Variants in CTIF observed in about 807,000 individuals in gnomAD.
CTIF encodes CBP80/20-dependent translation initiation factor.
CTIF carries 21 observed loss-of-function variants against 66.0 expected under a neutral mutation model. That is an observed-to-expected ratio of 0.32 (90% confidence interval 0.23 to 0.46). The LOEUF is 0.46. Among genes scored for constraint, CTIF ranks in the 20% least tolerant of loss-of-function variants. The pLI is 1.00. For synonymous variants in CTIF, 345 were observed against 326.4 expected, an observed-to-expected ratio of 1.06 and a Z score of -0.62; for missense variants, 739 against 812.7, an observed-to-expected ratio of 0.91 and a Z score of 1.10.
At chr18:48,718,806 G>A (rs1022857590) in intron 7 of CTIF, among the ~76,000 whole-genome samples, 3 of 152,112 alleles carry the variant, frequency 2.0e-5, no homozygotes, top group Non-Finnish European at 4.4e-5. Context: ...CTCAGACATG[G>A]TCAGGGGCCA....
chr18:48,768,414 C>G (rs1425406700), intron 9 of CTIF, among the ~76,000 whole-genome samples: 1 of 152,230 alleles, frequency 6.6e-6, no homozygotes, highest in East Asian at 1.9e-4. Context: ...GCATGAGGGG[C>G]TTTGAAACTC....
At chr18:48,549,513 C>G (rs2088833897) in intron 1 of CTIF, among the ~76,000 whole-genome samples, 1 of 152,202 alleles carries the variant, frequency 6.6e-6, no homozygotes, top group Admixed American at 6.5e-5. Context: ...TTCAAGGACT[C>G]TGTCTAACCT....
chr18:48,800,598 A>AC (rs1280741908), intron 9 of CTIF, among the ~76,000 whole-genome samples: 6 of 152,102 alleles, frequency 3.9e-5, no homozygotes, highest in African/African-American at 1.4e-4. Context: ...GGCATGGATA[A>AC]CCCCCCACAC....
chr18:48,856,716 G>C (rs1278896326), intron 10 of CTIF, among the ~76,000 whole-genome samples: 1 of 152,250 alleles, frequency 6.6e-6, no homozygotes, highest in African/African-American at 2.4e-5. Context: ...ACTCCATAGA[G>C]ACATAGAATC....
At chr18:48,783,101 T>C (rs552317363) in intron 9 of CTIF, among the ~76,000 whole-genome samples, 2 of 152,298 alleles carry the variant, frequency 1.3e-5, no homozygotes, top group South Asian at 4.1e-4. Context: ...CCTCCCTTCC[T>C]ATCTGGGAAA....
intron 10 of CTIF, among the ~76,000 whole-genome samples, chr18:48,851,718 G>A (rs559833442): frequency 6.6e-6 from 1 of 152,210 alleles, no homozygotes; most frequent in African/African-American, 2.4e-5. Flanking sequence ...ACATCCGCCT[G>A]CGGCTGCTTC....
chr18:48,771,333 A>C (rs115107821), intron 9 of CTIF, among the ~76,000 whole-genome samples: 1 of 152,328 alleles, frequency 6.6e-6, no homozygotes, highest in African/African-American at 2.4e-5. Flanking sequence ...CAAGGTATTC[A>C]TCAGGCATCA....
intron 7 of CTIF, among the ~76,000 whole-genome samples, chr18:48,733,889 G>A (rs576011844): frequency 2.0e-5 from 3 of 152,292 alleles, no homozygotes; most frequent in East Asian, 3.9e-4. Context: ...AGTCTCTCAG[G>A]GCTGTCTCAG....
intron 9 of CTIF, among the ~76,000 whole-genome samples, chr18:48,781,417 G>T (rs1456189603): frequency 6.6e-6 from 1 of 152,236 alleles, no homozygotes; most frequent in Non-Finnish European, 1.5e-5. Flanking sequence ...GCCAGTGGCT[G>T]TGGGTGGTGA....
At chr18:48,615,688 AGCTCCTCATACTCCGGGTT>A (rs1307751218) in intron 1 of CTIF, among the ~76,000 whole-genome samples, 1 of 152,234 alleles carries the variant, frequency 6.6e-6, no homozygotes, top group African/African-American at 2.4e-5. Flanking sequence ...ATGGGGCGCT[AGCTCCTCATACTCCGGGTT>A]GCAGGTGCCA....
chr18:48,733,353 C>T (rs2092472189), intron 7 of CTIF, among the ~76,000 whole-genome samples: 1 of 152,290 alleles, frequency 6.6e-6, no homozygotes, highest in Non-Finnish European at 1.5e-5. Flanking sequence ...GGAGTCACTG[C>T]CTCCATGTGC....
Position 48,761,268 on chromosome 18 carries a change from A to T in CTIF, c.1072-122A>T. On this transcript the variant is annotated intron_variant, in intron 8 of 11. Transcript: ENST00000256413. The surrounding 1 kb of genome is among the most constrained non-coding windows in gnomAD (Gnocchi z 4.2). Reference sequence around the variant, plus strand: ...GAGGTTCCCAGAGGGACCAGCCCTCAGATCCAGGGAAGTAGGCCTGGTCCT... The same window carrying T: ...GAGGTTCCCAGAGGGACCAGCCCTCTGATCCAGGGAAGTAGGCCTGGTCCT... 1 of 881,684 alleles carries T rather than the reference A, an allele frequency of 1.1e-6. No homozygotes were observed. The highest frequency in any genetic ancestry group is 1.7e-6 in the Non-Finnish European group (1 of 581,594). The allele number at this position is 881,684 out of a possible 1,614,324, so 54.6% of individuals were successfully genotyped here.
At chr18:48,683,575 A>G (rs191798979) in intron 6 of CTIF, among the ~76,000 whole-genome samples, 1 of 151,740 alleles carries the variant, frequency 6.6e-6, no homozygotes, top group East Asian at 2.0e-4. Flanking sequence ...AAAGCATTAG[A>G]TGTAGTCTTG....
At chr18:48,591,311 T>C (rs1318423631) in intron 1 of CTIF, among the ~76,000 whole-genome samples, 1 of 152,168 alleles carries the variant, frequency 6.6e-6, no homozygotes, top group Non-Finnish European at 1.5e-5. Flanking sequence ...TCTGATGTGG[T>C]ACCCACCGCT....
chr18:48,841,404 GCGCCCT>G (rs1420091572), intron 10 of CTIF, among the ~76,000 whole-genome samples: 1 of 152,214 alleles, frequency 6.6e-6, no homozygotes, highest in Non-Finnish European at 1.5e-5. Flanking sequence ...GCCTAGGGCA[GCGCCCT>G]CGTGGCCCCG....
At chr18:48,841,156 A>G (rs1441018872) in intron 10 of CTIF, among the ~76,000 whole-genome samples, 1 of 152,156 alleles carries the variant, frequency 6.6e-6, no homozygotes, top group East Asian at 1.9e-4. Flanking sequence ...GCACCTGGTT[A>G]ATGTAGGCAT....
At chr18:48,739,748 A>G (rs957057016) in intron 7 of CTIF, among the ~76,000 whole-genome samples, 1 of 152,180 alleles carries the variant, frequency 6.6e-6, no homozygotes. Flanking sequence ...GCTCTGTCAT[A>G]CGTTGTGGTT....
Position 48,859,537 on chromosome 18 carries a change from C to T in CTIF, c.1775C>T (p.Thr592Ile), listed in dbSNP as rs1568275340. The change falls in exon 12 of 12, where the codon ACC becomes ATC. Residue 592 changes from threonine (T) to isoleucine (I), a missense_variant. Transcript: ENST00000256413. ...CCCATCACGCAGTACTACAACAGAA[C>T]CATCCAGAAACTGACAGCCTGACAG... ...TPPITQYYNR[T>I]IQKLTA 6.2e-7 allele frequency: 1 copy of T among 1,614,098 alleles called. No homozygotes were observed. Among genetic ancestry groups the T allele is most frequent in the South Asian group, 1.1e-5 (1 of 91,086 alleles).
intron 9 of CTIF, among the ~76,000 whole-genome samples, chr18:48,804,389 C>G (rs866811220): frequency 6.6e-5 from 10 of 152,302 alleles, no homozygotes; most frequent in Admixed American, 2.0e-4. Flanking sequence ...TGGCTGAGTC[C>G]TCAGGGCCAG....
Sources: gnomAD v4.1 joint callset for allele counts (sites outside exome capture counted in the v4.1 genomes callset) on GRCh38, gnomAD v4.1.1 for gene constraint, Gnocchi (gnomAD v3.1) non-coding constraint, MANE v1.5 for transcripts, NCBI Gene and HGNC (gene_info 2026-07-23, HGNC 2026-07-21) for gene names.